NRG1: variants seen among roughly 807,000 people sequenced by gnomAD.
NRG1 encodes the protein neuregulin 1, also known as pro-neuregulin-1, membrane-bound isoform.
A neutral mutation model predicts 63.8 loss-of-function variants in NRG1; 18 were observed. That is an observed-to-expected ratio of 0.28 (90% confidence interval 0.19 to 0.42). The LOEUF (loss-of-function observed/expected upper bound fraction) is 0.42. NRG1 is among the 10% of genes least tolerant of loss of function. The probability of loss-of-function intolerance (pLI) is 1.00; values close to 1 mark genes in which losing one functional copy is unlikely to be tolerated. For synonymous variants in NRG1, 302 were observed against 301.3 expected (o/e 1.00, Z -0.02); for missense variants, 762 against 814.7 (o/e 0.94, Z 0.79).
chr8:31,639,506 C>T (rs1250422370), intron 1 of NRG1: 3 of 1,519,220 alleles, frequency 2.0e-6, no homozygotes, highest in Non-Finnish European at 1.8e-6. Flanking sequence ...GCAACTCCGC[C>T]TCCAGGGCTC....
intron 5 of NRG1, among the ~76,000 whole-genome samples, chr8:32,660,928 C>T (rs1197415861): frequency 1.3e-5 from 2 of 152,106 alleles, no homozygotes; most frequent in African/African-American, 2.4e-5. Context: ...CAGGAAAGGG[C>T]CAGGAATTCC....
chr8:32,230,638 G>T (rs962266243), intron 1 of NRG1, among the ~76,000 whole-genome samples: 5 of 152,064 alleles, frequency 3.3e-5, no homozygotes, highest in Non-Finnish European at 5.9e-5. Flanking sequence ...GGACCAAAAG[G>T]CCTGGAGTCA....
At chr8:31,650,648 G>A (rs1804744549) in intron 1 of NRG1, among the ~76,000 whole-genome samples, 1 of 152,156 alleles carries the variant, frequency 6.6e-6, no homozygotes, top group South Asian at 2.1e-4. Flanking sequence ...CCTCTTTCCT[G>A]TGTACCTTAC....
At chr8:32,160,638 G>C (rs1204650611) in intron 1 of NRG1, among the ~76,000 whole-genome samples, 1 of 152,220 alleles carries the variant, frequency 6.6e-6, no homozygotes, top group Admixed American at 6.5e-5. Flanking sequence ...GAAGCCAACA[G>C]GATCCTAAGT....
chr8:31,993,662 T>G (rs1811451701), intron 1 of NRG1, among the ~76,000 whole-genome samples: 1 of 152,028 alleles, frequency 6.6e-6, no homozygotes, highest in Non-Finnish European at 1.5e-5. Context: ...TAAGTCTCTT[T>G]CCTTTATAAA....
intron 1 of NRG1, among the ~76,000 whole-genome samples, chr8:32,315,284 G>A (rs541035278): frequency 1.1e-4 from 16 of 152,172 alleles, no homozygotes; most frequent in African/African-American, 3.9e-4. Context: ...CCCTCCCTGT[G>A]TCCATGTGTT....
chr8:31,726,581 T>G (rs1813465649), intron 1 of NRG1, among the ~76,000 whole-genome samples: 1 of 152,150 alleles, frequency 6.6e-6, no homozygotes. Context: ...ATACAGAATT[T>G]GAGGCAGATA....
At chr8:31,708,446 G>T (rs11780892) in intron 1 of NRG1, among the ~76,000 whole-genome samples, 3,424 of 85,460 alleles carry the variant, frequency 0.04, 88 homozygotes, top group Middle Eastern at 0.079. Flanking sequence ...AAACATAATT[G>T]TTTTTTTTTT....
intron 1 of NRG1, among the ~76,000 whole-genome samples, chr8:31,760,775 T>C (rs1237414335): frequency 6.6e-6 from 1 of 152,228 alleles, no homozygotes; most frequent in South Asian, 2.1e-4. Context: ...CCAGTTAGAA[T>C]GGCAATCATT....
intron 1 of NRG1, among the ~76,000 whole-genome samples, chr8:31,786,926 A>C (rs1284622390): frequency 6.6e-6 from 1 of 152,120 alleles, no homozygotes; most frequent in Non-Finnish European, 1.5e-5. Context: ...CCTGGTAATC[A>C]ACTTAACTTT....
chr8:32,298,974 C>T (rs1387400553), intron 1 of NRG1, among the ~76,000 whole-genome samples: 1 of 140,466 alleles, frequency 7.1e-6, no homozygotes, highest in Non-Finnish European at 1.5e-5. Context: ...TTGCAGTGAG[C>T]CAAGATGGTG....
At chr8:31,903,088 G>A (rs1359528701) in intron 1 of NRG1, among the ~76,000 whole-genome samples, 2 of 151,130 alleles carry the variant, frequency 1.3e-5, no homozygotes, top group African/African-American at 2.4e-5. Context: ...CTGATATTTA[G>A]CATCAATTGC....
chr8:32,242,337 G>A (rs1477958862), intron 1 of NRG1, among the ~76,000 whole-genome samples: 1 of 152,014 alleles, frequency 6.6e-6, no homozygotes, highest in Non-Finnish European at 1.5e-5. Context: ...AGGGGAGTGT[G>A]GTGGTGGGCG....
At chr8:32,387,650 C>T (rs184719523) in intron 1 of NRG1, among the ~76,000 whole-genome samples, 41 of 152,142 alleles carry the variant, frequency 2.7e-4, no homozygotes, top group African/African-American at 9.4e-4. Context: ...ATTCTTTACC[C>T]TAATGAAGTT....
At chr8:32,602,078 TTC>T (rs1473524057) in intron 2 of NRG1, among the ~76,000 whole-genome samples, 1 of 152,152 alleles carries the variant, frequency 6.6e-6, no homozygotes, top group Admixed American at 6.6e-5. Context: ...CCCATTGATG[TTC>T]TGTCTTAGGA....
intron 1 of NRG1, among the ~76,000 whole-genome samples, chr8:32,184,799 G>A (rs1176079965): frequency 6.6e-6 from 1 of 152,128 alleles, no homozygotes; most frequent in Non-Finnish European, 1.5e-5. Flanking sequence ...CAAAGTATAA[G>A]CATGTGTTTA....
chr8:32,316,865 G>A (rs1007604334), intron 1 of NRG1, among the ~76,000 whole-genome samples: 5 of 152,154 alleles, frequency 3.3e-5, no homozygotes, highest in Non-Finnish European at 7.3e-5. Context: ...AGTGTAATCA[G>A]CTGAGATAGT....
At chr8:32,569,373 G>A (rs1331217563) in intron 1 of NRG1, among the ~76,000 whole-genome samples, 4 of 152,130 alleles carry the variant, frequency 2.6e-5, no homozygotes, top group Admixed American at 2.6e-4. Context: ...CTTGAAGTGT[G>A]TGTGCTGTGC....
intron 1 of NRG1, among the ~76,000 whole-genome samples, chr8:32,497,461 A>C (rs2129495813): frequency 6.6e-6 from 1 of 152,146 alleles, no homozygotes; most frequent in East Asian, 1.9e-4. Flanking sequence ...AAAAAAAAAA[A>C]AAAGGAAAAT....
Sources: gnomAD v4.1 joint callset for allele counts (sites outside exome capture counted in the v4.1 genomes callset) on GRCh38, gnomAD v4.1.1 for gene constraint, MANE v1.5 for transcripts, NCBI Gene and HGNC (gene_info 2026-07-23, HGNC 2026-07-21) for gene names.